Variants in PACRG observed in about 807,000 individuals in gnomAD.
The protein encoded by PACRG is parkin coregulated gene protein.
In PACRG, 29 loss-of-function variants were observed where a neutral mutation model predicts 29.7. That is an observed-to-expected ratio of 0.98 (90% CI 0.73 to 1.33). The LOEUF is 1.33. Among genes scored for constraint, PACRG ranks in the 40% most tolerant of loss-of-function variants. The pLI, the probability that PACRG is intolerant of heterozygous loss-of-function variation, is 0.00. For synonymous variants in PACRG, 116 were observed against 118.7 expected (o/e 0.98, Z 0.15); for missense variants, 279 against 316.2 (o/e 0.88, Z 0.89).
At chr6:162,868,462 C>G (rs529169587) in intron 2 of PACRG, among the ~76,000 whole-genome samples, 2 of 152,192 alleles carry the variant, frequency 1.3e-5, no homozygotes, top group Non-Finnish European at 2.9e-5. Flanking sequence ...GGCCAGCCGC[C>G]GCAGCACAGT....
intron 2 of PACRG, among the ~76,000 whole-genome samples, chr6:163,005,027 A>G (rs1804938132): frequency 6.6e-6 from 1 of 152,004 alleles, no homozygotes; most frequent in South Asian, 2.1e-4. Flanking sequence ...CTTTTTGACT[A>G]TGCTTGAATA....
chr6:163,281,845 C>T (rs1784235961), intron 4 of PACRG, among the ~76,000 whole-genome samples: 3 of 152,040 alleles, frequency 2.0e-5, no homozygotes, highest in Admixed American at 2.0e-4. Flanking sequence ...GCATGCATTC[C>T]AAATTCAATT....
intron 2 of PACRG, among the ~76,000 whole-genome samples, chr6:162,851,028 GA>G (rs1388218265): frequency 1.3e-5 from 2 of 152,216 alleles, no homozygotes; most frequent in East Asian, 3.9e-4. Context: ...TATTGGTGGG[GA>G]AATCCCCCAC....
At chr6:162,967,938 T>G (rs1276706122) in intron 2 of PACRG, among the ~76,000 whole-genome samples, 6 of 152,242 alleles carry the variant, frequency 3.9e-5, no homozygotes, top group Non-Finnish European at 8.8e-5. Flanking sequence ...TAAATCATTG[T>G]TTATATTTTA....
intron 1 of PACRG, among the ~76,000 whole-genome samples, chr6:162,729,664 T>C (rs1779595204): frequency 6.6e-6 from 1 of 152,160 alleles, no homozygotes; most frequent in African/African-American, 2.4e-5. Flanking sequence ...TTAGTTTTTC[T>C]TCTACACAAT....
Position 163,111,205 on chromosome 6 carries a change from C to A in PACRG, c.613+21797C>A, listed in dbSNP as rs537561788. Among the ~76,000 whole-genome samples, 5 of 152,322 alleles carry A rather than the reference C, an allele frequency of 3.3e-5. No homozygotes were observed. In the East Asian group the frequency reaches 9.7e-4, roughly 29 times the overall value. ...CAGATAACCCCAGGGTTCCTTCCCT[C>A]CCACACTGTAGTTAATCCCAATTGC... On this transcript the variant is annotated intron_variant, in intron 4 of 4. Coordinates refer to ENST00000366888, the MANE Select transcript of PACRG (RefSeq NM_001080379.2).
At position 163,289,934 on chromosome 6, in the gene PACRG, G is replaced by A. The variant is rs186944482; in HGVS notation, c.614-24893G>A. Among the ~76,000 whole-genome samples the A allele has an allele frequency of 5.1e-3, 771 of 151,956 alleles. 8 individuals carry two copies. Among genetic ancestry groups the A allele is most frequent in the African/African-American group, 0.018 (739 of 41,418 alleles). The stretch of plus-strand genomic sequence containing the variant: ...GCCATCTCGGCTCACCGCAACCTCC[G>A]CCTCCCAGGTTCAAGTGATTCTCCT... On this transcript the variant is annotated intron_variant, in intron 4 of 4. Coordinates refer to ENST00000366888, the MANE Select transcript of PACRG (RefSeq NM_001080379.2).
At chr6:162,883,712 G>GTATA (rs3028609) in intron 2 of PACRG, among the ~76,000 whole-genome samples, 1 of 149,860 alleles carries the variant, frequency 6.7e-6, no homozygotes, top group African/African-American at 2.5e-5. Flanking sequence ...GTGTGTGTGT[G>GTATA]TGTATGTATG....
intron 1 of PACRG, among the ~76,000 whole-genome samples, chr6:162,793,570 CAAGA>C (rs1287168911): frequency 4.6e-5 from 7 of 151,964 alleles, no homozygotes; most frequent in Non-Finnish European, 8.8e-5. Flanking sequence ...TCTATCTGGA[CAAGA>C]AGAAGGAAGA....
At chr6:162,970,028 C>A (rs1171466436) in intron 2 of PACRG, among the ~76,000 whole-genome samples, 1 of 152,168 alleles carries the variant, frequency 6.6e-6, no homozygotes, top group Non-Finnish European at 1.5e-5. Context: ...AGGTTCATGC[C>A]TAGCACATTT....
At chr6:163,117,751 CAAA>C (rs35801516) in intron 4 of PACRG, among the ~76,000 whole-genome samples, 1,828 of 108,416 alleles carry the variant, frequency 0.017, 72 homozygotes, top group Admixed American at 0.11. Flanking sequence ...GACTCTGTCT[CAAA>C]AAAAAAAAAA....
chr6:163,133,394 C>T (rs1380033187), intron 4 of PACRG, among the ~76,000 whole-genome samples: 4 of 151,756 alleles, frequency 2.6e-5, no homozygotes, highest in Non-Finnish European at 5.9e-5. Flanking sequence ...TGATGTTTAT[C>T]ATGGAAGAGA....
At chr6:163,081,032 T>C (rs1364792345) in intron 3 of PACRG, among the ~76,000 whole-genome samples, 1 of 152,198 alleles carries the variant, frequency 6.6e-6, no homozygotes, top group Non-Finnish European at 1.5e-5. Context: ...GGCTGTGTCA[T>C]ATTTACTTAT....
chr6:163,089,365 C>A lies in PACRG; in HGVS notation c.570C>A (p.Tyr190Ter). The part of the protein sequence containing the change: ...EMVGKALVPY[Y>*]RQILPVLNIF... ...TGGGCAAGGCCTTGGTGCCTTATTA[C>A]CGTCAAATCCTCCCTGTCCTGAACA... Residue 190 changes from tyrosine to a stop codon, truncating the protein, a stop_gained, in exon 4 of 5, where the codon TAC becomes TAA. Transcript: ENST00000366888. LOFTEE classifies it high-confidence loss of function. The A allele has an allele frequency of 3.1e-6, 5 of 1,614,136 alleles. No homozygotes were observed. The highest frequency in any genetic ancestry group is 4.2e-6 in the Non-Finnish European group (5 of 1,180,012).
intron 4 of PACRG, among the ~76,000 whole-genome samples, chr6:163,296,701 G>A (rs1485394267): frequency 6.6e-6 from 1 of 152,174 alleles, no homozygotes; most frequent in Non-Finnish European, 1.5e-5. Context: ...AGTAATGACT[G>A]TAGCACGCAG....
chr6:163,188,892 G>T (rs1258769375), intron 4 of PACRG, among the ~76,000 whole-genome samples: 1 of 152,212 alleles, frequency 6.6e-6, no homozygotes, highest in African/African-American at 2.4e-5. Flanking sequence ...CTATTCATTT[G>T]CAGACATTGA....
intron 2 of PACRG, among the ~76,000 whole-genome samples, chr6:162,916,261 G>A (rs1010793368): frequency 6.6e-6 from 1 of 152,012 alleles, no homozygotes; most frequent in African/African-American, 2.4e-5. Flanking sequence ...GTGATAATTT[G>A]AATCATTGTT....
intron 2 of PACRG, among the ~76,000 whole-genome samples, chr6:163,047,173 A>G (rs959412496): frequency 1.3e-5 from 2 of 152,258 alleles, no homozygotes; most frequent in Admixed American, 1.3e-4. Flanking sequence ...CTCAATTTCT[A>G]AAACTCTGCC....
chr6:162,913,367 AT>A (rs537297850), intron 2 of PACRG, among the ~76,000 whole-genome samples: 12 of 152,278 alleles, frequency 7.9e-5, no homozygotes, highest in Non-Finnish European at 1.3e-4. Context: ...TTTGATGTTC[AT>A]TCTTGTTGCC....
Sources: gnomAD v4.1 joint callset for allele counts (sites outside exome capture counted in the v4.1 genomes callset) on GRCh38, gnomAD v4.1.1 for gene constraint, MANE v1.5 for transcripts, NCBI Gene and HGNC (gene_info 2026-07-23, HGNC 2026-07-21) for gene names.